Variants in GET1 observed in about 807,000 individuals in gnomAD.
The protein encoded by GET1 is congenital heart disease 5 protein.
In GET1, 20 loss-of-function variants were observed where a neutral mutation model predicts 22.6. The ratio of observed to expected loss-of-function variants is 0.89; its 90% CI spans 0.62 to 1.29. GET1 has a LOEUF of 1.29. Among genes scored for constraint, GET1 ranks in the 50% most tolerant of loss-of-function variants. The pLI is 0.00. For missense variants in GET1, 209 were observed against 219.9 expected, an observed-to-expected ratio of 0.95 and a Z score of 0.31; for synonymous variants, 92 against 83.8, an observed-to-expected ratio of 1.10 and a Z score of -0.53.
At chr21:39,414,732 C>CTG (rs1464601997) in intron 1 of GET1, among the ~76,000 whole-genome samples, 7 of 110,394 alleles carry the variant, frequency 6.3e-5, no homozygotes, top group African/African-American at 2.0e-4. Flanking sequence ...CTCTCTCTCT[C>CTG]TCTCTCTCTC....
intron 1 of GET1, among the ~76,000 whole-genome samples, chr21:39,414,526 G>A (rs956595811): frequency 6.6e-6 from 1 of 152,142 alleles, no homozygotes; most frequent in African/African-American, 2.4e-5. Flanking sequence ...TATTTTCCTA[G>A]AATTCCCACG....
At chr21:39,404,665 G>A (rs1021286660) in intron 4 of GET1, among the ~76,000 whole-genome samples, 5 of 145,754 alleles carry the variant, frequency 3.4e-5, no homozygotes, top group African/African-American at 1.3e-4. Flanking sequence ...CACGAGAATC[G>A]CTTGAACCCC....
intron 1 of GET1, among the ~76,000 whole-genome samples, chr21:39,384,217 GT>G (rs1255051463): frequency 2.6e-5 from 4 of 151,800 alleles, no homozygotes; most frequent in African/African-American, 9.7e-5. Context: ...AAATCCAGTT[GT>G]TTTTTGTTGT....
At chr21:39,398,357 A>C (rs2038751471), downstream of GET1, among the ~76,000 whole-genome samples, 1 of 152,178 alleles carries the variant, frequency 6.6e-6, no homozygotes, top group Non-Finnish European at 1.5e-5. Context: ...TGCACCGGCC[A>C]TGTAGAGCGT....
At chr21:39,423,087 C>G (rs776922511) in intron 1 of GET1, 7 of 1,613,834 alleles carry the variant, frequency 4.3e-6, no homozygotes, top group Non-Finnish European at 5.9e-6. Context: ...GCAGTGCCTG[C>G]AAGATATCTT....
intron 1 of GET1, among the ~76,000 whole-genome samples, chr21:39,382,493 T>A (rs1460951607): frequency 6.6e-6 from 1 of 152,250 alleles, no homozygotes; most frequent in Non-Finnish European, 1.5e-5. Context: ...GGACCTCATA[T>A]AAGTGGAATC....
At chr21:39,390,922 A>C in intron 2 of GET1, 59 bp downstream of exon 2, 1 of 1,581,664 alleles carries the variant, frequency 6.3e-7, no homozygotes, top group South Asian at 1.1e-5. Context: ...AGAAGTCTGT[A>C]TGTGAAGATT....
At chr21:39,403,623 ATTTTTAT>A (rs2038900565) in intron 4 of GET1, among the ~76,000 whole-genome samples, 1 of 104,960 alleles carries the variant, frequency 9.5e-6, no homozygotes. Flanking sequence ...TACTATTTTT[ATTTTTAT>A]TTTTTTTTTG....
chr21:39,397,116 T>TG lies in GET1; in HGVS notation c.*177_*178insG. On this transcript the variant is annotated 3_prime_UTR_variant, in exon 5 of 5. Transcript: ENST00000649170. ...GAGTCTTATAAGAATCACGATTTTC[T>TG]ACACCTGTCATTGAGCCAAGAAAGT... is the stretch of plus-strand genomic sequence containing the variant. 1 of 665,526 alleles carries TG rather than the reference T, an allele frequency of 1.5e-6. No individual in the cohort carries two copies. The highest frequency in any genetic ancestry group is 2.5e-6 in the Non-Finnish European group (1 of 397,766). The allele number at this position is 665,526 out of a possible 1,614,324, so 41.2% of individuals were successfully genotyped here. A position where few individuals can be genotyped will look rare whatever the true frequency, so the allele number is the denominator to read the frequency against.
chr21:39,401,621 G>T (rs1414256754), downstream of GET1, among the ~76,000 whole-genome samples: 1 of 152,024 alleles, frequency 6.6e-6, no homozygotes, highest in African/African-American at 2.4e-5. Flanking sequence ...AGACATGTCT[G>T]TTTTTTTGCG....
intron 4 of GET1, among the ~76,000 whole-genome samples, chr21:39,403,350 G>A (rs1377047646): frequency 1.3e-5 from 2 of 151,992 alleles, no homozygotes; most frequent in African/African-American, 4.8e-5. Flanking sequence ...AGTTTGACAC[G>A]GAGTCTCGCT....
chr21:39,396,791 G>C (rs918142963), intron 4 of GET1, 75 bp from the exon 5 acceptor site: 2 of 1,304,852 alleles, frequency 1.5e-6, no homozygotes, highest in African/African-American at 1.5e-5. Context: ...TCTTTGCTGT[G>C]AGTTAAAGAC....
Position 39,393,297 on chromosome 21 carries a change from A to G in GET1, c.451+17A>G, listed in dbSNP as rs2038427064. ...GAGTAGCAGGTAAGAATTTTCTGGA[A>G]GATGCAGTGGAAGAGTGTGAATAGG... On this transcript the variant is annotated intron_variant, in intron 4 of 4. Transcript: ENST00000649170. 8 of 1,592,792 alleles carry G rather than the reference A, an allele frequency of 5.0e-6. No homozygotes were observed. The highest frequency in any genetic ancestry group is 5.2e-6 in the Non-Finnish European group (6 of 1,160,868).
At chr21:39,410,492 A>G, downstream of GET1, 1 of 562,242 alleles carries the variant, frequency 1.8e-6, no homozygotes, top group Non-Finnish European at 3.1e-6. Context: ...CTAAATATTC[A>G]ATATATATAT....
intron 1 of GET1, chr21:39,423,266 AATGCCT>A: frequency 6.2e-7 from 1 of 1,610,078 alleles, no homozygotes; most frequent in Non-Finnish European, 8.5e-7. Flanking sequence ...ATAGCTTTCA[AATGCCT>A]AAGCTGAAGT....
chr21:39,381,093 C>T (rs764324623), intron 1 of GET1, among the ~76,000 whole-genome samples: 1 of 152,122 alleles, frequency 6.6e-6, no homozygotes, highest in Non-Finnish European at 1.5e-5. Flanking sequence ...CCCTCCTTTA[C>T]CTCCCGGAGG....
Position 39,380,383 on chromosome 21 carries a change from G to T in GET1, c.-2G>T, listed in dbSNP as rs974866521. Reference sequence around the variant, plus strand: ...GACCCAGCACAGCCAGGAGCGTCCGGGATGAGCTCAGCCGCGGCCGACCAC... The same window carrying T: ...GACCCAGCACAGCCAGGAGCGTCCGTGATGAGCTCAGCCGCGGCCGACCAC... On this transcript the variant is annotated 5_prime_UTR_variant, in exon 1 of 5. Coordinates refer to ENST00000649170, the MANE Select transcript of GET1 (RefSeq NM_004627.6). 4 of 1,602,574 alleles carry T rather than the reference G, an allele frequency of 2.5e-6. No individual in the cohort carries two copies. Among genetic ancestry groups the T allele is most frequent in the Non-Finnish European group, 2.6e-6 (3 of 1,173,702 alleles).
At chr21:39,386,467 T>G (rs1223896258) in intron 1 of GET1, 1 of 152,364 alleles carries the variant, frequency 6.6e-6, no homozygotes, top group Non-Finnish European at 1.5e-5. Context: ...AGCCAAGGAC[T>G]GGGGCTGGTG....
chr21:39,414,673 T>C (rs1046774022), intron 1 of GET1, among the ~76,000 whole-genome samples: 8 of 150,760 alleles, frequency 5.3e-5, no homozygotes, highest in Admixed American at 1.3e-4. Context: ...CTGCCAAGGC[T>C]AGGTCATAAA....
Sources: allele counts gnomAD v4.1 joint callset (sites outside exome capture counted in the v4.1 genomes callset), GRCh38; gene constraint gnomAD v4.1.1; transcripts MANE v1.5; gene names NCBI Gene and HGNC (gene_info 2026-07-23, HGNC 2026-07-21).